Variants in CMSS1 observed in about 807,000 individuals in gnomAD.
The protein encoded by CMSS1 is cms1 ribosomal small subunit homolog, also known as protein CMSS1.
In CMSS1, 33 loss-of-function variants were observed where a neutral mutation model predicts 43.5. The observed-to-expected ratio is 0.76, with a 90% CI of 0.57 to 1.01. CMSS1 has a LOEUF of 1.01. Ranked by LOEUF, CMSS1 falls within the 50% of genes least tolerant of loss-of-function variation. The probability of loss-of-function intolerance (pLI) is 0.00; values close to 1 mark genes in which losing one functional copy is unlikely to be tolerated. For missense variants in CMSS1, 313 were observed against 326.4 expected (o/e 0.96, Z 0.32); for synonymous variants, 115 against 117.2 (o/e 0.98, Z 0.12).
intron 1 of CMSS1, among the ~76,000 whole-genome samples, chr3:99,965,470 A>G (rs1036152842): frequency 5.3e-5 from 8 of 152,210 alleles, no homozygotes; most frequent in African/African-American, 1.7e-4. Flanking sequence ...GACCTTTGGA[A>G]TTGAGATAAA....
At chr3:100,144,255 T>C (rs1035820445) in intron 1 of CMSS1, among the ~76,000 whole-genome samples, 12 of 152,222 alleles carry the variant, frequency 7.9e-5, no homozygotes. Context: ...CTATGTAGCC[T>C]TTTTAATGGT....
chr3:100,147,908 C>T (rs1425439975), intron 2 of CMSS1, among the ~76,000 whole-genome samples: 6 of 152,112 alleles, frequency 3.9e-5, no homozygotes, highest in Non-Finnish European at 8.8e-5. Flanking sequence ...TTTAATCTTC[C>T]TACTGACTTT....
Position 99,849,385 on chromosome 3 carries a change from A to G in CMSS1, c.64+31342A>G, listed in dbSNP as rs202066216. 171 of 1,613,982 alleles carry G rather than the reference A, an allele frequency of 1.1e-4. 1 individual carries two copies. Among genetic ancestry groups the G allele is most frequent in the Admixed American group, 2.7e-4 (16 of 59,992 alleles). On this transcript the variant is annotated intron_variant, in intron 1 of 9. Transcript: ENST00000421999. Reference sequence around the variant, plus strand: ...CTCTAACTCCTTAGTGAGGTTTTCAATCTCTCTTCCTAAATCTCTGTTCCT... The same window carrying G: ...CTCTAACTCCTTAGTGAGGTTTTCAGTCTCTCTTCCTAAATCTCTGTTCCT...
At chr3:99,943,105 G>C (rs1424153499) in intron 1 of CMSS1, among the ~76,000 whole-genome samples, 1 of 152,128 alleles carries the variant, frequency 6.6e-6, no homozygotes, top group African/African-American at 2.4e-5. Context: ...CTCAGCTGGG[G>C]CAAAGCCTGT....
At chr3:99,889,439 C>T (rs1429547264) in intron 1 of CMSS1, among the ~76,000 whole-genome samples, 1 of 151,966 alleles carries the variant, frequency 6.6e-6, no homozygotes, top group Non-Finnish European at 1.5e-5. Flanking sequence ...TGACCTTTTA[C>T]TTTCAGCTTT....
At chr3:100,078,564 A>G (rs1311141156) in intron 1 of CMSS1, among the ~76,000 whole-genome samples, 1 of 152,034 alleles carries the variant, frequency 6.6e-6, no homozygotes, top group Non-Finnish European at 1.5e-5. Flanking sequence ...CGTAAAATAC[A>G]CCAACACTAG....
chr3:99,984,064 G>GTGTGTGTGTGTGTT (rs1553702846), intron 1 of CMSS1, among the ~76,000 whole-genome samples: 1 of 152,054 alleles, frequency 6.6e-6, no homozygotes, highest in Non-Finnish European at 1.5e-5. Context: ...GTGTGTTTGT[G>GTGTGTGTGTGTGTT]TGTGTGTGTG....
intron 1 of CMSS1, among the ~76,000 whole-genome samples, chr3:99,980,866 G>A (rs1709101186): frequency 6.6e-6 from 1 of 152,146 alleles, no homozygotes; most frequent in Admixed American, 6.5e-5. Flanking sequence ...CTAGGCCAGT[G>A]CTGCTTCCTT....
intron 1 of CMSS1, among the ~76,000 whole-genome samples, chr3:99,889,446 C>A (rs1032408699): frequency 6.6e-6 from 1 of 152,040 alleles, no homozygotes; most frequent in African/African-American, 2.4e-5. Flanking sequence ...TTACTTTCAG[C>A]TTTACCATAC....
At chr3:100,115,581 C>CTG (rs2066556084) in intron 1 of CMSS1, among the ~76,000 whole-genome samples, 2 of 25,732 alleles carry the variant, frequency 7.8e-5, no homozygotes, top group Admixed American at 3.6e-4. Flanking sequence ...CTCTGTCTCT[C>CTG]TCTCTCTCTC....
intron 1 of CMSS1, among the ~76,000 whole-genome samples, chr3:100,111,493 G>A (rs1028751253): frequency 1.3e-5 from 2 of 151,818 alleles, no homozygotes; most frequent in African/African-American, 2.4e-5. Context: ...ATTGATATGC[G>A]AGTTTTATAC....
chr3:99,974,939 G>C (rs1708926441), intron 1 of CMSS1, among the ~76,000 whole-genome samples: 2 of 152,120 alleles, frequency 1.3e-5, no homozygotes, highest in South Asian at 4.1e-4. Flanking sequence ...CGTGTTATTT[G>C]ATCTTTTTGA....
At chr3:99,950,867 GAGAA>G (rs1364822402) in intron 1 of CMSS1, among the ~76,000 whole-genome samples, 1 of 152,198 alleles carries the variant, frequency 6.6e-6, no homozygotes, top group Non-Finnish European at 1.5e-5. Context: ...GAGAGAGAGA[GAGAA>G]AGAAAGAGAG....
At chr3:100,026,578 A>G (rs559334560) in intron 1 of CMSS1, among the ~76,000 whole-genome samples, 1 of 151,778 alleles carries the variant, frequency 6.6e-6, no homozygotes, top group African/African-American at 2.4e-5. Context: ...AATGTTGGCA[A>G]CTCTTTTCTT....
In CMSS1 at chr3:100,179,639, G is replaced by A. The variant is rs112059405; in HGVS notation, c.*1251G>A. 1 of 152,292 alleles carries A rather than the reference G, an allele frequency of 6.6e-6. No homozygotes were observed. Among genetic ancestry groups the A allele is most frequent in the South Asian group, 2.1e-4 (1 of 4,824 alleles). The allele number at this position is 152,292 out of a possible 1,614,324, so 9.4% of individuals were successfully genotyped here. A position where few individuals can be genotyped will look rare whatever the true frequency, so the allele number is the denominator to read the frequency against. On this transcript the variant is annotated 3_prime_UTR_variant, in exon 10 of 10. Coordinates refer to ENST00000421999, the MANE Select transcript of CMSS1 (RefSeq NM_032359.4). ...TAGGCAGCTCTGCCCCTGTGGCTCT[G>A]CAGGGTACAGTCCCCATGGTTGCTT...
intron 1 of CMSS1, among the ~76,000 whole-genome samples, chr3:99,874,001 A>T (rs992826303): frequency 6.6e-6 from 1 of 152,240 alleles, no homozygotes; most frequent in Non-Finnish European, 1.5e-5. Flanking sequence ...GAAATTGCTC[A>T]TCCAAAGAGC....
In CMSS1 at chr3:99,818,032, G is replaced by A. The variant is rs1373335184; in HGVS notation, c.53G>A (p.Gly18Asp). ...TGGGAGAACCAGCCGACTGGAGCAG[G>A]CAGCAGCCCAGGTACCCACTCTGTG... ...EWWENQPTGA[G>D]SSPEASDGEG... Residue 18 changes from glycine to aspartate, a missense_variant, in exon 1 of 10, where the codon GGC becomes GAC. Coordinates refer to ENST00000421999, the MANE Select transcript of CMSS1 (RefSeq NM_032359.4). The A allele has an allele frequency of 6.2e-6, 10 of 1,613,790 alleles. No homozygotes were observed. In the South Asian group the frequency reaches 1.1e-4, roughly 18 times the overall value.
chr3:99,863,315 G>A (rs939153152), intron 1 of CMSS1, among the ~76,000 whole-genome samples: 7 of 152,166 alleles, frequency 4.6e-5, no homozygotes, highest in African/African-American at 1.4e-4. Context: ...GCCTCATCCC[G>A]CTGCTCACCT....
chr3:99,847,741 T>C (rs1943432229), intron 1 of CMSS1, among the ~76,000 whole-genome samples: 1 of 152,214 alleles, frequency 6.6e-6, no homozygotes, highest in Non-Finnish European at 1.5e-5. Context: ...CAAAGAGATG[T>C]AATTTTTATT....
Sources: allele counts gnomAD v4.1 joint callset (sites outside exome capture counted in the v4.1 genomes callset), GRCh38; gene constraint gnomAD v4.1.1; transcripts MANE v1.5; gene names NCBI Gene and HGNC (gene_info 2026-07-23, HGNC 2026-07-21).